The following BCKDHA variants were observed in gnomAD, a reference collection of about 807,000 sequenced individuals.
BCKDHA encodes the protein 2-oxoisovalerate dehydrogenase subunit alpha, mitochondrial.
A neutral mutation model predicts 52.2 loss-of-function variants in BCKDHA; 43 were observed. The observed-to-expected ratio is 0.82, with a 90% CI of 0.64 to 1.06. The LOEUF (loss-of-function observed/expected upper bound fraction) is 1.06, where lower values mean the gene tolerates loss of function less well. Ranked by LOEUF, BCKDHA falls within the 50% of genes least tolerant of loss-of-function variation. The pLI is 0.00. For missense variants in BCKDHA, 527 were observed against 621.3 expected, an observed-to-expected ratio of 0.85 and a Z score of 1.61; for synonymous variants, 234 against 247.9, an observed-to-expected ratio of 0.94 and a Z score of 0.53.
At chr19:41,401,079 G>GC (rs1555764447) in intron 1 of BCKDHA, among the ~76,000 whole-genome samples, 1 of 149,238 alleles carries the variant, frequency 6.7e-6, no homozygotes, top group Non-Finnish European at 1.5e-5. Context: ...GTTTTGTTTT[G>GC]TTTTTTGTTT....
chr19:41,424,719 T>G lies in BCKDHA; in HGVS notation c.*111T>G. The G allele has an allele frequency of 7.9e-7, 1 of 1,264,022 alleles. No individual in the cohort carries two copies. Among genetic ancestry groups the G allele is most frequent in the Non-Finnish European group, 1.1e-6 (1 of 926,260 alleles). The allele number at this position is 1,264,022 out of a possible 1,614,324, so 78.3% of individuals were successfully genotyped here. A position where few individuals can be genotyped will look rare whatever the true frequency, so the allele number is the denominator to read the frequency against. On this transcript the variant is annotated 3_prime_UTR_variant, in exon 9 of 9. Coordinates refer to ENST00000269980, the MANE Select transcript of BCKDHA (RefSeq NM_000709.4). Reference sequence around the variant, plus strand: ...CCACTGTCTTCCCCAGTCAGCTCCCTCTAAAATACTCAGCGGCCAGGGCGG... The same window carrying G: ...CCACTGTCTTCCCCAGTCAGCTCCCGCTAAAATACTCAGCGGCCAGGGCGG...
chr19:41,422,478 G>A (rs1057290992), intron 6 of BCKDHA, 108 bp downstream of exon 6: 4 of 1,570,116 alleles, frequency 2.5e-6, no homozygotes, highest in Non-Finnish European at 3.5e-6. Context: ...CTCGTCCTGT[G>A]TCCTGTGGCG....
At chr19:41,412,947 G>A (rs1358079371) in intron 3 of BCKDHA, among the ~76,000 whole-genome samples, 2 of 152,134 alleles carry the variant, frequency 1.3e-5, no homozygotes, top group Non-Finnish European at 2.9e-5. Context: ...CAAGTGATCC[G>A]CCTGCCTTGG....
chr19:41,417,204 C>T (rs1306775329), intron 4 of BCKDHA, among the ~76,000 whole-genome samples: 13 of 151,772 alleles, frequency 8.6e-5, no homozygotes, highest in African/African-American at 2.4e-5. Context: ...TTGGTAGAGA[C>T]GGGGTTTCGC....
chr19:41,424,992 C>T lies in BCKDHA; in HGVS notation c.*384C>T, dbSNP rs535473868. The stretch of plus-strand genomic sequence containing the variant: ...TCACGAATAAACTGCATCTCTGCGC[C>T]TGGCTCTCTACCACCTCTGGTCTTT... On this transcript the variant is annotated 3_prime_UTR_variant, in exon 9 of 9. Coordinates refer to ENST00000269980, the MANE Select transcript of BCKDHA (RefSeq NM_000709.4). 1.5e-4 allele frequency: 28 copies of T among 189,238 alleles called. No individual in the cohort carries two copies. The East Asian group carries it at 3.9e-3, about 26-fold the overall frequency. The allele number at this position is 189,238 out of a possible 1,614,324, so 11.7% of individuals were successfully genotyped here.
At chr19:41,402,444 C>T (rs534384763) in intron 1 of BCKDHA, among the ~76,000 whole-genome samples, 45 of 152,206 alleles carry the variant, frequency 3.0e-4, no homozygotes, top group African/African-American at 1.1e-3. Flanking sequence ...ATTTAATACA[C>T]CAATAGTGCA....
intron 1 of BCKDHA, among the ~76,000 whole-genome samples, chr19:41,399,039 G>T (rs2039108057): frequency 6.6e-6 from 1 of 152,162 alleles, no homozygotes; most frequent in South Asian, 2.1e-4. Flanking sequence ...GAAGAAAGGG[G>T]TGACCTTGGG....
chr19:41,419,493 G>A (rs1002446022), intron 5 of BCKDHA, among the ~76,000 whole-genome samples, 197 bp downstream of exon 5: 1 of 152,146 alleles, frequency 6.6e-6, no homozygotes, highest in Non-Finnish European at 1.5e-5. Flanking sequence ...CCAGGCTAGA[G>A]TGCAGTGGTG....
chr19:41,398,636 A>G (rs2039103419), intron 1 of BCKDHA, among the ~76,000 whole-genome samples: 1 of 152,192 alleles, frequency 6.6e-6, no homozygotes, highest in Non-Finnish European at 1.5e-5. Context: ...TTTCTTGTCA[A>G]AAGGGTCACA....
chr19:41,409,178 G>A (rs1245615070), intron 1 of BCKDHA, among the ~76,000 whole-genome samples: 8 of 152,056 alleles, frequency 5.3e-5, no homozygotes, highest in East Asian at 1.9e-4. Context: ...TCAGCCTCCC[G>A]AAGTGTTGGG....
Position 41,422,613 on chromosome 19 carries a change from C to T in BCKDHA, c.854-16C>T, listed in dbSNP as rs767367356. The T allele has an allele frequency of 1.9e-6, 3 of 1,613,710 alleles. No individual in the cohort carries two copies. In the Admixed American group the frequency reaches 5.0e-5, roughly 27 times the overall value. ...TCTCAGCCCTGGCCTGACCTGCCTT[C>T]TCTGTGTCCCCACAGCAGCACGAGG... is the stretch of plus-strand genomic sequence containing the variant. On this transcript the variant is annotated splice_polypyrimidine_tract_variant and intron_variant, in intron 6 of 8. Transcript: ENST00000269980.
At chr19:41,403,737 T>A (rs947022826) in intron 1 of BCKDHA, among the ~76,000 whole-genome samples, 3 of 152,172 alleles carry the variant, frequency 2.0e-5, no homozygotes, top group Non-Finnish European at 2.9e-5. Flanking sequence ...TCCCCGCCTC[T>A]CCACCAGCCT....
At chr19:41,424,365 A>G in intron 8 of BCKDHA, 73 bp from the exon 9 acceptor site, 2 of 1,573,430 alleles carry the variant, frequency 1.3e-6, no homozygotes, top group Non-Finnish European at 1.7e-6. Context: ...ATTCCTTGCC[A>G]AGGCCCCGCA....
At chr19:41,404,708 C>G (rs2039174569) in intron 1 of BCKDHA, among the ~76,000 whole-genome samples, 1 of 152,132 alleles carries the variant, frequency 6.6e-6, no homozygotes, top group Non-Finnish European at 1.5e-5. Flanking sequence ...ATTCTCCTGC[C>G]TCAGCCTCCT....
chr19:41,413,934 C>T, intron 3 of BCKDHA, 115 bp from the exon 4 acceptor site: 1 of 910,918 alleles, frequency 1.1e-6, no homozygotes, highest in Non-Finnish European at 1.8e-6. Context: ...CAGGACTGGC[C>T]TTCAGGAGGA....
chr19:41,407,138 A>T (rs1206947504), intron 1 of BCKDHA, among the ~76,000 whole-genome samples: 1 of 152,008 alleles, frequency 6.6e-6, no homozygotes, highest in East Asian at 1.9e-4. Flanking sequence ...TCACCTTCCT[A>T]GATTTTGTTT....
chr19:41,417,149 C>T (rs2039314681), intron 4 of BCKDHA, among the ~76,000 whole-genome samples: 1 of 151,996 alleles, frequency 6.6e-6, no homozygotes, highest in South Asian at 2.1e-4. Flanking sequence ...ATAGCTGGGA[C>T]CACAGGTGCA....
In BCKDHA at chr19:41,410,821, G is replaced by C; in HGVS notation, c.288+5G>C. On this transcript the variant is annotated splice_donor_5th_base_variant and intron_variant, in intron 2 of 8. Transcript: ENST00000269980. ...AACCCCAGCGAGGACCCCCACGTGA[G>C]AGGCGGCCTCCCCCACTTCCCGTGC... 3 of 1,614,126 alleles carry C rather than the reference G, an allele frequency of 1.9e-6. No individual in the cohort carries two copies. The highest frequency in any genetic ancestry group is 2.5e-6 in the Non-Finnish European group (3 of 1,179,996).
chr19:41,411,515 C>T (rs954163256), intron 3 of BCKDHA, among the ~76,000 whole-genome samples: 3 of 150,326 alleles, frequency 2.0e-5, no homozygotes, highest in African/African-American at 7.4e-5. Context: ...TCCAGGGGGT[C>T]TTCCAGGCAG....
Sources: allele counts gnomAD v4.1 joint callset (sites outside exome capture counted in the v4.1 genomes callset), GRCh38; gene constraint gnomAD v4.1.1; transcripts MANE v1.5; gene names NCBI Gene and HGNC (gene_info 2026-07-23, HGNC 2026-07-21).